Variants in ERN2 observed in about 807,000 individuals in gnomAD.
The protein encoded by ERN2 is endoplasmic reticulum to nucleus signaling 2, also known as serine/threonine-protein kinase/endoribonuclease IRE2.
ERN2 carries 111 observed loss-of-function variants against 107.9 expected under a neutral mutation model. That is an observed-to-expected ratio of 1.03 (90% confidence interval 0.88 to 1.20). ERN2 has a LOEUF of 1.20. Among genes scored for constraint, ERN2 ranks in the 50% most tolerant of loss-of-function variants. ERN2 has a pLI of 0.00. For synonymous variants in ERN2, 524 were observed against 501.7 expected, an observed-to-expected ratio of 1.04 and a Z score of -0.59; for missense variants, 1,225 against 1,197.9, an observed-to-expected ratio of 1.02 and a Z score of -0.33.
At chr16:23,706,184 A>G (rs748880688) in intron 7 of ERN2, 146 bp downstream of exon 7, 2 of 592,970 alleles carry the variant, frequency 3.4e-6, no homozygotes, top group Non-Finnish European at 3.0e-6. Flanking sequence ...GGGGTCAGCC[A>G]TCAGGGGTGT....
In ERN2 at chr16:23,702,710, G is replaced by GAGAGA; in HGVS notation, c.855-13_855-9dup. On this transcript the variant is annotated splice_polypyrimidine_tract_variant and intron_variant, in intron 8 of 21. Transcript: ENST00000256797. ...CCCACATACAGCGTCATTCTAGTGG[G>GAGAGA]AGAGAAGAAAAAGAAGAGAAGAATG... 6.2e-7 allele frequency: 1 copy of GAGAGA among 1,612,284 alleles called. No individual in the cohort carries two copies. Among genetic ancestry groups the GAGAGA allele is most frequent in the Non-Finnish European group, 8.5e-7 (1 of 1,178,290 alleles).
rs1746437052 is a variant in ERN2, at chr16:23,705,159, G to C, written c.590-12C>G. The stretch of plus-strand genomic sequence containing the variant: ...CAGGTGGCTCATGTCTGCCGAGAAA[G>C]GTGGCTGGGGAGATGTGGTTGGAAG... On this transcript the variant is annotated splice_polypyrimidine_tract_variant and intron_variant, in intron 7 of 21. Coordinates refer to ENST00000256797, the MANE Select transcript of ERN2 (RefSeq NM_033266.4). 6.2e-7 allele frequency: 1 copy of C among 1,609,464 alleles called. No homozygotes were observed. Among genetic ancestry groups the C allele is most frequent in the Non-Finnish European group, 8.5e-7 (1 of 1,176,200 alleles).
At chr16:23,693,331 A>G (rs1959675093) in intron 17 of ERN2, among the ~76,000 whole-genome samples, 1 of 152,106 alleles carries the variant, frequency 6.6e-6, no homozygotes, top group Non-Finnish European at 1.5e-5. Flanking sequence ...TCATGCCTAT[A>G]ATCTCAGCAC....
chr16:23,710,350 A>T, intron 3 of ERN2, 106 bp from the exon 4 acceptor site: 1 of 1,222,154 alleles, frequency 8.2e-7, no homozygotes, highest in South Asian at 1.2e-5. Context: ...CTGTTCTTGT[A>T]GGAAACATCA....
At chr16:23,694,079 T>C (rs1018899017) in intron 17 of ERN2, among the ~76,000 whole-genome samples, 14 of 152,128 alleles carry the variant, frequency 9.2e-5, no homozygotes, top group African/African-American at 3.1e-4. Context: ...CTCTGGAACT[T>C]CCACCTCCCA....
intron 17 of ERN2, among the ~76,000 whole-genome samples, chr16:23,692,575 G>T (rs1959643713): frequency 6.6e-6 from 1 of 152,170 alleles, no homozygotes; most frequent in African/African-American, 2.4e-5. Flanking sequence ...CTTCATTCCT[G>T]CAGGGTATAG....
At chr16:23,696,311 A>T (rs1959825649) in intron 13 of ERN2, among the ~76,000 whole-genome samples, 1 of 152,026 alleles carries the variant, frequency 6.6e-6, no homozygotes, top group South Asian at 2.1e-4. Context: ...TGTTTGCTAT[A>T]TTATCCTCTT....
At chr16:23,697,032 A>C (rs945511661) in intron 13 of ERN2, 1 of 151,890 alleles carries the variant, frequency 6.6e-6, no homozygotes, top group African/African-American at 2.4e-5. Flanking sequence ...CTAGCCAGGC[A>C]TGGTGTTGTG....
At chr16:23,691,502 G>A in intron 19 of ERN2, 77 bp from the exon 20 acceptor site, 1 of 1,497,328 alleles carries the variant, frequency 6.7e-7, no homozygotes, top group Non-Finnish European at 9.0e-7. Context: ...TCTTACAGGA[G>A]TAGTTTAGGG....
Position 23,697,548 on chromosome 16 carries a change from G to A in ERN2, c.1526-1570C>T, listed in dbSNP as rs528229997. On this transcript the variant is annotated intron_variant, in intron 13 of 21. Coordinates refer to ENST00000256797, the MANE Select transcript of ERN2 (RefSeq NM_033266.4). ...TTGTGTGTCTGCTCTCAGTACTCTC[G>A]GCATGGAGTAAACACTTGCTTAGAG... Among the ~76,000 whole-genome samples the A allele has an allele frequency of 3.9e-5, 6 of 152,140 alleles. No homozygotes were observed. The South Asian group carries it at 1.2e-3, about 32-fold the overall frequency.
In ERN2 at chr16:23,706,999, A is replaced by G; in HGVS notation, c.379+8T>C. ...AACCTGGACCCCACAGGCTGAAGAG[A>G]TGCTCACCTGTGTAGAAGACCCCAT... On this transcript the variant is annotated splice_region_variant and intron_variant, in intron 5 of 21. Coordinates refer to ENST00000256797, the MANE Select transcript of ERN2 (RefSeq NM_033266.4). The G allele has an allele frequency of 6.2e-7, 1 of 1,612,476 alleles. No individual in the cohort carries two copies.
At chr16:23,711,913 C>A in intron 1 of ERN2, 1 of 256,262 alleles carries the variant, frequency 3.9e-6, no homozygotes, top group Non-Finnish European at 8.6e-6. Flanking sequence ...CCAGTGGGTC[C>A]CTTGACCCAA....
rs1187585085 is a variant in ERN2, at chr16:23,702,657, A to G, written c.900T>C (p.Ser300=). 6.2e-7 allele frequency: 1 copy of G among 1,614,186 alleles called. No individual in the cohort carries two copies. Among genetic ancestry groups the G allele is most frequent in the Non-Finnish European group, 8.5e-7 (1 of 1,180,014 alleles). ...VGKDETGFYV[S]KALVHTGVAL... ...CCACTCCTGTGTGGACCAGTGCTTT[A>G]GAGACATAGAAGCCAGTTTCATCCT... The change falls in exon 9 of 22, where the codon TCT becomes TCC. Residue 300 remains serine (S), a synonymous_variant. Coordinates refer to ENST00000256797, the MANE Select transcript of ERN2 (RefSeq NM_033266.4).
At chr16:23,702,125 C>T (rs767389391) in intron 11 of ERN2, 27 bp downstream of exon 11, 18 of 1,602,336 alleles carry the variant, frequency 1.1e-5, no homozygotes, top group Admixed American at 1.7e-5. Context: ...CCTCCCTACC[C>T]CCACTCTCTC....
In ERN2 at chr16:23,701,038, C is replaced by T; in HGVS notation, c.1280G>A (p.Gly427Glu). The change falls in exon 12 of 22, where the codon GGG becomes GAG. Residue 427 changes from glycine to glutamate, a missense_variant. Gly to Glu is a moderately conservative substitution (Grantham distance 98). Transcript: ENST00000256797. ...PEEKTPDSYL[G>E]LGPQDLLAAS... Reference sequence around the variant, plus strand: ...TGCCAGCAGGTCTTGGGGTCCCAGCCCCAAGTAAGAGTCTGGAGTTTTTTC... The same window carrying T: ...TGCCAGCAGGTCTTGGGGTCCCAGCTCCAAGTAAGAGTCTGGAGTTTTTTC... The T allele has an allele frequency of 1.2e-6, 2 of 1,614,132 alleles. No homozygotes were observed. The highest frequency in any genetic ancestry group is 1.7e-6 in the Non-Finnish European group (2 of 1,179,984).
intron 8 of ERN2, among the ~76,000 whole-genome samples, chr16:23,703,040 T>C (rs977420187): frequency 6.6e-6 from 1 of 151,882 alleles, no homozygotes; most frequent in African/African-American, 2.4e-5. Flanking sequence ...TCCTAGATTC[T>C]CCAGACTCAA....
At chr16:23,702,813 G>T in intron 8 of ERN2, 111 bp from the exon 9 acceptor site, 2 of 917,826 alleles carry the variant, frequency 2.2e-6, no homozygotes, top group South Asian at 1.4e-5. Context: ...ACTCAGCTTA[G>T]CCATGAGACT....
chr16:23,692,182 ACCGT>A lies in ERN2; in HGVS notation c.2246_2248+1del. On this transcript the variant is annotated splice_donor_variant and coding_sequence_variant, in exon 18 of 22. Transcript: ENST00000256797. LOFTEE classifies it high-confidence loss of function. ...TCTCTGCCCTGCCCAGGGCTCCCTC[ACCGT>A]GGACCTCTTCCTCCAGGTGAGCCAG... 1.9e-6 allele frequency: 3 copies of A among 1,613,940 alleles called. No homozygotes were observed. The highest frequency in any genetic ancestry group is 2.5e-6 in the Non-Finnish European group (3 of 1,180,000).
chr16:23,692,253 T>A lies in ERN2; in HGVS notation c.2179A>T (p.Ser727Cys), dbSNP rs1959628797. The change falls in exon 18 of 22, where the codon AGT becomes TGT. Residue 727 changes from serine (S) to cysteine (C), a missense_variant. By Grantham distance (112) the Ser-to-Cys change is moderately radical (BLOSUM62 -1). Transcript: ENST00000256797. ...LSGGSHPFGD[S>C]LYRQANILTG... is the part of the protein sequence containing the mutation. Reference sequence around the variant, plus strand: ...AGGATGTTTGCCTGGCGATAAAGACTGTCTCCAAAGGGGTGGCTGCCACCA... The same window carrying A: ...AGGATGTTTGCCTGGCGATAAAGACAGTCTCCAAAGGGGTGGCTGCCACCA... The A allele has an allele frequency of 1.2e-6, 2 of 1,614,048 alleles. No homozygotes were observed. Among genetic ancestry groups the A allele is most frequent in the Admixed American group, 1.7e-5 (1 of 60,010 alleles).
Sources: gnomAD v4.1 joint callset for allele counts (sites outside exome capture counted in the v4.1 genomes callset) on GRCh38, gnomAD v4.1.1 for gene constraint, MANE v1.5 for transcripts, NCBI Gene and HGNC (gene_info 2026-07-23, HGNC 2026-07-21) for gene names.